Variants in AGAP1 observed in about 807,000 individuals in gnomAD.
AGAP1 encodes arf-GAP with GTPase, ANK repeat and PH domain-containing protein 1.
In AGAP1, 29 loss-of-function variants were observed where a neutral mutation model predicts 105.3. The ratio of observed to expected loss-of-function variants is 0.28; its 90% CI spans 0.21 to 0.38. The LOEUF (loss-of-function observed/expected upper bound fraction) is 0.38, where lower values mean the gene tolerates loss of function less well. Ranked by LOEUF, AGAP1 falls within the 10% of genes least tolerant of loss-of-function variation. AGAP1 has a pLI of 1.00. For synonymous variants in AGAP1, 509 were observed against 485.9 expected, an observed-to-expected ratio of 1.05 and a Z score of -0.63; for missense variants, 998 against 1,165.1, an observed-to-expected ratio of 0.86 and a Z score of 2.09.
Position 235,970,062 on chromosome 2 carries a change from T to C in AGAP1, c.1645+1439T>C, listed in dbSNP as rs1028260531. Among the ~76,000 whole-genome samples, 23 of 151,898 alleles carry C rather than the reference T, an allele frequency of 1.5e-4. No homozygotes were observed. The highest frequency in any genetic ancestry group is 5.3e-4 in the African/African-American group (22 of 41,358). Reference sequence around the variant, plus strand: ...ACTAAAAATACAAAAATTAGCTGGATGTGGTGGCACATGCCTGTAATCCCA... The same window carrying C: ...ACTAAAAATACAAAAATTAGCTGGACGTGGTGGCACATGCCTGTAATCCCA... On this transcript the variant is annotated intron_variant, in intron 13 of 17. Transcript: ENST00000304032. The surrounding 1 kb of genome is among the most constrained non-coding windows in gnomAD (Gnocchi z 5.4).
chr2:235,593,778 A>T (rs1945427542), intron 1 of AGAP1, among the ~76,000 whole-genome samples: 1 of 152,170 alleles, frequency 6.6e-6, no homozygotes, highest in South Asian at 2.1e-4. Context: ...AGCCCGGGCA[A>T]CATAGTGAGA....
At chr2:235,532,907 G>C (rs928479718) in intron 1 of AGAP1, among the ~76,000 whole-genome samples, 6 of 152,084 alleles carry the variant, frequency 3.9e-5, no homozygotes, top group Non-Finnish European at 8.8e-5. Flanking sequence ...ACCCAGTGCT[G>C]CTTTTGTATG....
At chr2:235,838,438 A>G (rs1960424408) in intron 9 of AGAP1, among the ~76,000 whole-genome samples, 1 of 152,200 alleles carries the variant, frequency 6.6e-6, no homozygotes, top group Non-Finnish European at 1.5e-5. Context: ...TGAAGCATTT[A>G]TTCCTCCTTA....
intron 13 of AGAP1, among the ~76,000 whole-genome samples, chr2:236,024,021 GTT>G (rs1278589760): frequency 6.7e-4 from 75 of 112,140 alleles, no homozygotes; most frequent in Middle Eastern, 0.012. Context: ...GTGGTTGGTT[GTT>G]TTTTTTTTTT....
Position 235,736,971 on chromosome 2 carries a change from C to T in AGAP1, c.311-3992C>T, listed in dbSNP as rs909280674. Among the ~76,000 whole-genome samples, 5 of 152,196 alleles carry T rather than the reference C, an allele frequency of 3.3e-5. No individual in the cohort carries two copies. The highest frequency in any genetic ancestry group is 9.6e-5 in the African/African-American group (4 of 41,456). On this transcript the variant is annotated intron_variant, in intron 3 of 17. Transcript: ENST00000304032. The surrounding 1 kb of genome is among the most constrained non-coding windows in gnomAD (Gnocchi z 5.5). ...CTGCAGAGTACCAGCTTGTTGCCAA[C>T]GATGCTGTCATCCTAAGGCTCTCCT...
intron 16 of AGAP1, among the ~76,000 whole-genome samples, chr2:236,107,302 G>T (rs2059523215): frequency 6.6e-6 from 1 of 152,186 alleles, no homozygotes; most frequent in African/African-American, 2.4e-5. Flanking sequence ...CTTCCTGAGT[G>T]CTTGGCACAT....
intron 1 of AGAP1, among the ~76,000 whole-genome samples, chr2:235,656,031 G>A (rs1947760033): frequency 1.3e-5 from 2 of 152,342 alleles, no homozygotes; most frequent in East Asian, 3.9e-4. Context: ...CAGGGAAGCA[G>A]TCCATCGCAC....
chr2:235,532,369 A>G (rs1238870204), intron 1 of AGAP1, among the ~76,000 whole-genome samples: 1 of 152,174 alleles, frequency 6.6e-6, no homozygotes, highest in East Asian at 1.9e-4. Context: ...GGCCCACGCC[A>G]TCACACCTAG....
chr2:235,538,018 A>C (rs1177709981), intron 1 of AGAP1, among the ~76,000 whole-genome samples: 2 of 152,228 alleles, frequency 1.3e-5, no homozygotes, highest in African/African-American at 4.8e-5. Context: ...TGAGGCTGCT[A>C]ATATGCGTGG....
At chr2:235,880,353 G>C (rs1390675493) in intron 9 of AGAP1, among the ~76,000 whole-genome samples, 1 of 152,094 alleles carries the variant, frequency 6.6e-6, no homozygotes, top group Non-Finnish European at 1.5e-5. Context: ...TGTCTGAGTG[G>C]GAAGGGATGA....
chr2:235,956,997 A>T (rs761329722), intron 12 of AGAP1, among the ~76,000 whole-genome samples: 1 of 152,158 alleles, frequency 6.6e-6, no homozygotes, highest in Non-Finnish European at 1.5e-5. Flanking sequence ...CATTTTTTTT[A>T]AACAGCTTTA....
rs151304657 is a variant in AGAP1, at chr2:235,553,292, C to T, written c.163+58443C>T. ...GGGGTTGAGATCAAGAGATGACCAA[C>T]GACTGGACATCTGGGAGGCAGTGGG... On this transcript the variant is annotated intron_variant, in intron 1 of 17. Coordinates refer to ENST00000304032, the MANE Select transcript of AGAP1 (RefSeq NM_001037131.3). The surrounding 1 kb of genome is among the most constrained non-coding windows in gnomAD (Gnocchi z 4.5). 3.3e-5 allele frequency among the ~76,000 whole-genome samples: 5 copies of T among 151,144 alleles called. No individual in the cohort carries two copies. The highest frequency in any genetic ancestry group is 2.1e-4 in the South Asian group (1 of 4,752).
In AGAP1 at chr2:235,893,183, C is replaced by T. The variant is rs910267524; in HGVS notation, c.1155+9734C>T. Among the ~76,000 whole-genome samples, 8 of 150,106 alleles carry T rather than the reference C, an allele frequency of 5.3e-5. No homozygotes were observed. Among genetic ancestry groups the T allele is most frequent in the Non-Finnish European group, 8.9e-5 (6 of 67,638 alleles). On this transcript the variant is annotated intron_variant, in intron 10 of 17. Coordinates refer to ENST00000304032, the MANE Select transcript of AGAP1 (RefSeq NM_001037131.3). The surrounding 1 kb of genome is among the most constrained non-coding windows in gnomAD (Gnocchi z 4.7). ...TCATAAGGGAGCGCTGTGTCTTTGG[C>T]GCGGGTGTGGCGTGGGTGTGCCATG...
intron 12 of AGAP1, among the ~76,000 whole-genome samples, chr2:235,949,040 C>T (rs573828236): frequency 6.6e-6 from 1 of 152,310 alleles, no homozygotes; most frequent in African/African-American, 2.4e-5. Context: ...AATATTTTCA[C>T]CTGCCTAGAT....
intron 12 of AGAP1, among the ~76,000 whole-genome samples, chr2:235,940,265 A>C (rs917315212): frequency 3.3e-5 from 5 of 151,812 alleles, no homozygotes; most frequent in Non-Finnish European, 7.4e-5. Context: ...CGTCGGTCCT[A>C]ACTCATCTCT....
At chr2:235,844,719 G>T (rs970657724) in intron 9 of AGAP1, among the ~76,000 whole-genome samples, 2 of 152,066 alleles carry the variant, frequency 1.3e-5, no homozygotes, top group South Asian at 2.1e-4. Context: ...CCTCCTCTCC[G>T]AACCTGGGCA....
At chr2:235,709,145 A>G (rs1559379558) in intron 1 of AGAP1, 34 bp from the exon 2 acceptor site, 19 of 1,611,440 alleles carry the variant, frequency 1.2e-5, no homozygotes, top group Non-Finnish European at 1.4e-5. Flanking sequence ...TACGTGAGTT[A>G]TGGTGTCTGA....
intron 1 of AGAP1, among the ~76,000 whole-genome samples, chr2:235,573,045 CTTCTTCTTCTTCTTCTTTCTTCT>C (rs1559258932): frequency 1.5e-3 from 27 of 17,862 alleles, no homozygotes; most frequent in Admixed American, 2.4e-3. Flanking sequence ...TCTTCTTCTT[CTTCTTCTTCTTCTTCTTTCTTCT>C]TTCTTCTTTC....
chr2:235,818,816 C>T (rs1269769416), intron 9 of AGAP1, among the ~76,000 whole-genome samples: 2 of 152,220 alleles, frequency 1.3e-5, no homozygotes, highest in Non-Finnish European at 2.9e-5. Context: ...TTAGGTGATC[C>T]ACCTGCCTCG....
Sources: gnomAD v4.1 joint callset for allele counts (sites outside exome capture counted in the v4.1 genomes callset) on GRCh38, gnomAD v4.1.1 for gene constraint, Gnocchi (gnomAD v3.1) non-coding constraint, MANE v1.5 for transcripts, NCBI Gene and HGNC (gene_info 2026-07-23, HGNC 2026-07-21) for gene names.